LARGE1: variants seen among roughly 807,000 people sequenced by gnomAD.
The protein encoded by LARGE1 is LARGE xylosyl- and glucuronyltransferase 1.
Under a neutral mutation model 87.6 loss-of-function variants are expected in LARGE1, and 43 were observed. The ratio of observed to expected loss-of-function variants is 0.49; its 90% CI spans 0.38 to 0.63. The LOEUF is 0.63. LARGE1 is among the 30% of genes least tolerant of loss of function. The pLI, the probability that LARGE1 is intolerant of heterozygous loss-of-function variation, is 0.00. For missense variants in LARGE1, 802 were observed against 1,000.2 expected, an observed-to-expected ratio of 0.80 and a Z score of 2.67; for synonymous variants, 434 against 394.6, an observed-to-expected ratio of 1.10 and a Z score of -1.18.
At chr22:33,191,463 C>A (rs897024258) in intron 11 of LARGE1, among the ~76,000 whole-genome samples, 3 of 152,210 alleles carry the variant, frequency 2.0e-5, no homozygotes, top group Non-Finnish European at 4.4e-5. Context: ...ATAGGTCAGT[C>A]TGATGCACAA....
chr22:33,634,053 G>C (rs2080190972), intron 3 of LARGE1, among the ~76,000 whole-genome samples: 1 of 152,214 alleles, frequency 6.6e-6, no homozygotes, highest in Non-Finnish European at 1.5e-5. Context: ...GGTTGTGTCA[G>C]GATCAAACAA....
intron 11 of LARGE1, among the ~76,000 whole-genome samples, chr22:33,246,184 T>C (rs1926748880): frequency 6.6e-6 from 1 of 152,156 alleles, no homozygotes; most frequent in South Asian, 2.1e-4. Context: ...TATGAGAATT[T>C]TATGTTCAAG....
chr22:33,452,264 A>AGG lies in LARGE1; in HGVS notation c.788-20001_788-20000dup, dbSNP rs561342973. Among the ~76,000 whole-genome samples the AGG allele has an allele frequency of 2.3e-3, 354 of 152,348 alleles. 2 individuals are homozygous for AGG. Among genetic ancestry groups the AGG allele is most frequent in the African/African-American group, 8.1e-3 (338 of 41,590 alleles). On this transcript the variant is annotated intron_variant, in intron 6 of 14. Transcript: ENST00000397394. Reference sequence around the variant, plus strand: ...TGACAAGAGATGCTACAAAAAGGAAAGGAGATAAGGGGACACAGCAAGGGT... The same window carrying AGG: ...TGACAAGAGATGCTACAAAAAGGAAAGGGGAGATAAGGGGACACAGCAAGGGT...
At chr22:33,623,607 G>A (rs372774130) in intron 4 of LARGE1, among the ~76,000 whole-genome samples, 1 of 150,746 alleles carries the variant, frequency 6.6e-6, no homozygotes, top group African/African-American at 2.4e-5. Flanking sequence ...CAGAAGAACC[G>A]TACAGGTCAG....
chr22:33,632,351 T>C lies in LARGE1; in HGVS notation c.409-6025A>G, dbSNP rs2080137491. ...GTTGCCCAAGCTGGTCTTGAACTCCTGGCCTCATGTGATCCGCCCACCTCG... is the reference window on the plus strand; with the variant it reads ...GTTGCCCAAGCTGGTCTTGAACTCCCGGCCTCATGTGATCCGCCCACCTCG... On this transcript the variant is annotated intron_variant, in intron 3 of 14. Transcript: ENST00000397394. 2.0e-5 allele frequency among the ~76,000 whole-genome samples: 3 copies of C among 152,198 alleles called. No individual in the cohort carries two copies. The South Asian group carries it at 6.2e-4, about 31-fold the overall frequency.
chr22:33,485,113 A>C (rs550598426), intron 6 of LARGE1, among the ~76,000 whole-genome samples: 1 of 151,036 alleles, frequency 6.6e-6, no homozygotes, highest in South Asian at 2.1e-4. Flanking sequence ...GGGTTTTGCT[A>C]TGTTAGCCAG....
chr22:33,280,481 T>C (rs1930224616), intron 13 of LARGE1, among the ~76,000 whole-genome samples: 1 of 152,034 alleles, frequency 6.6e-6, no homozygotes, highest in Admixed American at 6.6e-5. Context: ...AAAATTATAA[T>C]GTGAAAAGGA....
chr22:33,114,846 T>C, the LARGE1 span, among the ~76,000 whole-genome samples: 156 of 152,338 alleles, frequency 1.0e-3, no homozygotes, highest in Admixed American at 1.7e-3. Flanking sequence ...TCTTGTCACA[T>C]AGGCTTGAAA....
At chr22:33,559,339 G>A (rs886524365) in intron 6 of LARGE1, among the ~76,000 whole-genome samples, 1 of 152,104 alleles carries the variant, frequency 6.6e-6, no homozygotes, top group Non-Finnish European at 1.5e-5. Context: ...ACACCACCAC[G>A]CCCAGCTAGT....
chr22:33,343,634 C>A (rs1236581438), intron 9 of LARGE1, among the ~76,000 whole-genome samples: 1 of 152,122 alleles, frequency 6.6e-6, no homozygotes, highest in Non-Finnish European at 1.5e-5. Context: ...CTCCCACTCT[C>A]CCTCAAAATT....
intron 11 of LARGE1, among the ~76,000 whole-genome samples, chr22:33,315,150 T>C (rs1936013933): frequency 6.6e-6 from 1 of 152,158 alleles, no homozygotes; most frequent in African/African-American, 2.4e-5. Flanking sequence ...CGTGTATTGC[T>C]GTTTATGTGA....
chr22:33,402,918 T>C (rs1023657558), intron 7 of LARGE1, among the ~76,000 whole-genome samples: 1 of 152,106 alleles, frequency 6.6e-6, no homozygotes, highest in Non-Finnish European at 1.5e-5. Flanking sequence ...CACAGAAAGA[T>C]CGAGTAAGCA....
chr22:33,345,550 G>A (rs1308029872), intron 9 of LARGE1, among the ~76,000 whole-genome samples: 6 of 152,236 alleles, frequency 3.9e-5, no homozygotes, highest in Non-Finnish European at 8.8e-5. Context: ...TGCAGGAGCT[G>A]CCAAGCATCA....
At chr22:33,831,100 C>CTTTTTTTT (rs5845117) in intron 1 of LARGE1, among the ~76,000 whole-genome samples, 7 of 137,184 alleles carry the variant, frequency 5.1e-5, no homozygotes, top group Admixed American at 7.3e-5. Context: ...TTTCTTTTTT[C>CTTTTTTTT]TTTTTTTTTT....
chr22:33,297,904 C>A (rs562606393), intron 12 of LARGE1, among the ~76,000 whole-genome samples: 2 of 141,328 alleles, frequency 1.4e-5, no homozygotes, highest in Non-Finnish European at 3.0e-5. Context: ...CGCTTGAACC[C>A]GGGAGGCAGA....
intron 1 of LARGE1, among the ~76,000 whole-genome samples, chr22:33,856,311 C>T (rs1017978478): frequency 2.6e-5 from 4 of 152,064 alleles, no homozygotes; most frequent in African/African-American, 9.7e-5. Flanking sequence ...GAACCATTCC[C>T]GACAGAACAA....
At chr22:33,414,777 A>T (rs2147487720) in intron 7 of LARGE1, among the ~76,000 whole-genome samples, 1 of 152,302 alleles carries the variant, frequency 6.6e-6, no homozygotes, top group Non-Finnish European at 1.5e-5. Context: ...ATGAGTGTGC[A>T]GTCCTCAAGA....
chr22:33,814,368 A>G (rs1233999229), intron 1 of LARGE1, among the ~76,000 whole-genome samples: 2 of 152,216 alleles, frequency 1.3e-5, no homozygotes, highest in African/African-American at 4.8e-5. Context: ...TATCAGTAAC[A>G]ATAATAATGA....
intron 12 of LARGE1, among the ~76,000 whole-genome samples, chr22:33,301,964 C>A (rs1345521145): frequency 6.6e-6 from 1 of 152,180 alleles, no homozygotes; most frequent in African/African-American, 2.4e-5. Context: ...AGTCCTTGCA[C>A]AGGGAGTAGA....
Sources: gnomAD v4.1 joint callset for allele counts (sites outside exome capture counted in the v4.1 genomes callset) on GRCh38, gnomAD v4.1.1 for gene constraint, MANE v1.5 for transcripts, NCBI Gene and HGNC (gene_info 2026-07-23, HGNC 2026-07-21) for gene names.